The following MLLT3 variants were observed in gnomAD, a reference collection of about 807,000 sequenced individuals.
The protein encoded by MLLT3 is protein AF-9.
Under a neutral mutation model 53.2 loss-of-function variants are expected in MLLT3, and 4 were observed. The observed-to-expected ratio is 0.08, with a 90% CI of 0.04 to 0.17. The LOEUF is 0.17. MLLT3 is among the 10% of genes least tolerant of loss of function. The pLI, the probability that MLLT3 is intolerant of heterozygous loss-of-function variation, is 1.00. For missense variants in MLLT3, 569 were observed against 684.0 expected (o/e 0.83, Z 1.87); for synonymous variants, 283 against 230.6 (o/e 1.23, Z -2.06).
At chr9:20,486,979 A>G (rs1266672631) in intron 2 of MLLT3, among the ~76,000 whole-genome samples, 1 of 152,188 alleles carries the variant, frequency 6.6e-6, no homozygotes, top group Non-Finnish European at 1.5e-5. Context: ...CCTTAACTTC[A>G]GAAATGTTAT....
At chr9:20,420,749 G>A (rs1437136590) in intron 4 of MLLT3, among the ~76,000 whole-genome samples, 2 of 152,028 alleles carry the variant, frequency 1.3e-5, no homozygotes, top group African/African-American at 2.4e-5. Context: ...ACAACGCGCA[G>A]GTTTGTTACA....
chr9:20,388,554 C>G (rs146208376), intron 5 of MLLT3, among the ~76,000 whole-genome samples: 1 of 152,178 alleles, frequency 6.6e-6, no homozygotes, highest in East Asian at 1.9e-4. Flanking sequence ...TGCCACTGCA[C>G]TATGGCCTGG....
chr9:20,456,394 T>C (rs1823971454), intron 3 of MLLT3, among the ~76,000 whole-genome samples: 1 of 152,222 alleles, frequency 6.6e-6, no homozygotes, highest in African/African-American at 2.4e-5. Context: ...AGCATTTTAC[T>C]GAAAAACTAT....
intron 2 of MLLT3, among the ~76,000 whole-genome samples, chr9:20,553,821 A>T (rs778817328): frequency 2.0e-5 from 3 of 152,140 alleles, no homozygotes; most frequent in African/African-American, 7.2e-5. Context: ...AAGACAAAAA[A>T]TAAACAGCTT....
At chr9:20,434,610 G>A (rs1175780716) in intron 4 of MLLT3, among the ~76,000 whole-genome samples, 2 of 152,090 alleles carry the variant, frequency 1.3e-5, no homozygotes, top group Non-Finnish European at 2.9e-5. Context: ...TATCCTAAGA[G>A]GAATCGAAAT....
intron 5 of MLLT3, among the ~76,000 whole-genome samples, chr9:20,406,767 T>C (rs145550752): frequency 2.9e-4 from 44 of 152,370 alleles, no homozygotes; most frequent in African/African-American, 8.9e-4. Flanking sequence ...CCCACATCCC[T>C]AACCTCTATA....
At chr9:20,411,712 C>T (rs1188441938) in intron 5 of MLLT3, 2 of 152,092 alleles carry the variant, frequency 1.3e-5, no homozygotes, top group South Asian at 2.1e-4. Flanking sequence ...TGAATAAATA[C>T]ATCAAATTGA....
chr9:20,490,390 A>G (rs960778070), intron 2 of MLLT3, among the ~76,000 whole-genome samples: 1 of 152,236 alleles, frequency 6.6e-6, no homozygotes, highest in Non-Finnish European at 1.5e-5. Context: ...GCATGAGAAG[A>G]ATTTGTCACG....
intron 2 of MLLT3, among the ~76,000 whole-genome samples, chr9:20,460,634 T>C (rs1399210515): frequency 1.3e-5 from 2 of 152,278 alleles, no homozygotes; most frequent in East Asian, 3.9e-4. Context: ...CAATAATTAT[T>C]CATCTTTGCA....
intron 2 of MLLT3, among the ~76,000 whole-genome samples, chr9:20,514,867 T>C (rs1817865180): frequency 6.6e-6 from 1 of 151,920 alleles, no homozygotes; most frequent in East Asian, 1.9e-4. Context: ...GGAAGTGAAA[T>C]GTGTTTCCTG....
intron 2 of MLLT3, among the ~76,000 whole-genome samples, chr9:20,590,550 G>C (rs917263134): frequency 2.0e-5 from 3 of 152,060 alleles, no homozygotes; most frequent in Admixed American, 1.3e-4. Context: ...CTCTCTCTCT[G>C]TCACTCTCTC....
At chr9:20,358,353 C>T (rs1025520726) in intron 8 of MLLT3, among the ~76,000 whole-genome samples, 1 of 152,138 alleles carries the variant, frequency 6.6e-6, no homozygotes, top group South Asian at 2.1e-4. Flanking sequence ...TCTTACCATG[C>T]TTACAAGTGC....
At chr9:20,369,149 T>C (rs2118662649) in intron 5 of MLLT3, among the ~76,000 whole-genome samples, 1 of 152,286 alleles carries the variant, frequency 6.6e-6, no homozygotes, top group African/African-American at 2.4e-5. Context: ...CCAACCATGC[T>C]GATGAGAACC....
chr9:20,534,683 G>A (rs547164514), intron 2 of MLLT3, among the ~76,000 whole-genome samples: 23 of 152,218 alleles, frequency 1.5e-4, no homozygotes, highest in East Asian at 5.8e-4. Context: ...TCAGGAGATC[G>A]AGACCATCCC....
At chr9:20,365,038 C>A (rs1821415808) in intron 6 of MLLT3, among the ~76,000 whole-genome samples, 1 of 152,062 alleles carries the variant, frequency 6.6e-6, no homozygotes, top group Non-Finnish European at 1.5e-5. Flanking sequence ...AAAAATATGT[C>A]CAGGAGGAAA....
intron 2 of MLLT3, among the ~76,000 whole-genome samples, chr9:20,491,452 A>G (rs955314851): frequency 6.6e-6 from 1 of 152,148 alleles, no homozygotes; most frequent in Non-Finnish European, 1.5e-5. Context: ...TAATATAGAA[A>G]GACATCAGGG....
rs1316570459 is a variant in MLLT3, at chr9:20,621,946, AGT to A, written c.12+297_12+298del. 23 of 1,371,524 alleles carry A rather than the reference AGT, an allele frequency of 1.7e-5. No homozygotes were observed. Among genetic ancestry groups the A allele is most frequent in the African/African-American group, 6.3e-5 (4 of 63,922 alleles). The allele number at this position is 1,371,524 out of a possible 1,614,324, so 85.0% of individuals were successfully genotyped here. A position where few individuals can be genotyped will look rare whatever the true frequency, so the allele number is the denominator to read the frequency against. On this transcript the variant is annotated intron_variant, in intron 1 of 10. Coordinates refer to ENST00000380338, the MANE Select transcript of MLLT3 (RefSeq NM_004529.4). The surrounding 1 kb of genome is among the most constrained non-coding windows in gnomAD (Gnocchi z 7.0). The stretch of plus-strand genomic sequence containing the variant: ...GAGTGCGCGCGTGTGAGCGAGAGGG[AGT>A]GTGTGAGTGCGCTTCTTGTGACTGC...
intron 2 of MLLT3, among the ~76,000 whole-genome samples, chr9:20,591,047 G>A (rs1230313225): frequency 2.6e-5 from 4 of 152,074 alleles, no homozygotes; most frequent in Non-Finnish European, 5.9e-5. Flanking sequence ...ACTGTACCTA[G>A]CCTTGACAGT....
In MLLT3 at chr9:20,346,592, A is replaced by G. The variant is rs761840197; in HGVS notation, c.1576-18T>C. The stretch of plus-strand genomic sequence containing the variant: ...TTCACGATCTAGAGGAGTGAAGAAG[A>G]GAAAGTTTGGGCAATACGCAGCAAA... On this transcript the variant is annotated intron_variant, in intron 10 of 10. Coordinates refer to ENST00000380338, the MANE Select transcript of MLLT3 (RefSeq NM_004529.4). The G allele has an allele frequency of 1.9e-6, 3 of 1,609,074 alleles. No individual in the cohort carries two copies. The highest frequency in any genetic ancestry group is 2.5e-6 in the Non-Finnish European group (3 of 1,178,260).
Sources: allele counts gnomAD v4.1 joint callset (sites outside exome capture counted in the v4.1 genomes callset), GRCh38; gene constraint gnomAD v4.1.1; non-coding constraint Gnocchi (gnomAD v3.1); transcripts MANE v1.5; gene names NCBI Gene and HGNC (gene_info 2026-07-23, HGNC 2026-07-21).